Variants in KDM1B observed in about 807,000 individuals in gnomAD.
KDM1B encodes lysine-specific histone demethylase 2.
KDM1B carries 63 observed loss-of-function variants against 107.4 expected under a neutral mutation model. The observed-to-expected ratio is 0.59, with a 90% CI of 0.48 to 0.72. KDM1B has a LOEUF of 0.72. Ranked by LOEUF, KDM1B falls within the 30% of genes least tolerant of loss-of-function variation. The pLI is 0.00. For synonymous variants in KDM1B, 363 were observed against 363.9 expected (o/e 1.00, Z 0.03); for missense variants, 749 against 1,020.8 (o/e 0.73, Z 3.63).
chr6:18,165,352 G>A (rs374471466), intron 5 of KDM1B, among the ~76,000 whole-genome samples: 33 of 151,118 alleles, frequency 2.2e-4, no homozygotes, highest in East Asian at 1.8e-3. Flanking sequence ...GGATGGTCTC[G>A]ATCTCCTGAC....
chr6:18,193,771 G>T (rs1460921739), intron 10 of KDM1B, among the ~76,000 whole-genome samples: 1 of 152,020 alleles, frequency 6.6e-6, no homozygotes, highest in Non-Finnish European at 1.5e-5. Flanking sequence ...CTTGGTGCCT[G>T]TTCTTGCTTC....
intron 6 of KDM1B, among the ~76,000 whole-genome samples, chr6:18,168,973 G>A (rs1785489343): frequency 6.6e-6 from 1 of 151,980 alleles, no homozygotes; most frequent in Non-Finnish European, 1.5e-5. Flanking sequence ...CTGGGTTCAA[G>A]CCATTCTCCT....
intron 7 of KDM1B, among the ~76,000 whole-genome samples, chr6:18,184,921 A>G (rs556864121): frequency 6.6e-6 from 1 of 151,214 alleles, no homozygotes; most frequent in Admixed American, 6.6e-5. Flanking sequence ...ATTTTTGTAG[A>G]GATGGGGGGT....
chr6:18,166,116 T>C (rs2150792056), intron 5 of KDM1B, 151 bp from the exon 6 acceptor site: 1 of 571,418 alleles, frequency 1.8e-6, no homozygotes, highest in Non-Finnish European at 3.2e-6. Context: ...CAGCCTGTTT[T>C]ATGGGTGCCA....
intron 5 of KDM1B, 73 bp from the exon 6 acceptor site, chr6:18,166,194 C>A: frequency 1.4e-6 from 1 of 699,166 alleles, no homozygotes. Context: ...TAACCTGCCT[C>A]CTGTTTTGAA....
intron 3 of KDM1B, among the ~76,000 whole-genome samples, chr6:18,160,828 CTTTTT>C (rs3077192): frequency 2.4e-5 from 3 of 123,250 alleles, no homozygotes; most frequent in Non-Finnish European, 4.9e-5. Flanking sequence ...ACTCATGTCA[CTTTTT>C]TTTTTTTTTT....
Position 18,203,449 on chromosome 6 carries a change from A to ATC in KDM1B, c.1531+1795_1531+1796dup, listed in dbSNP as rs1194927506. ...CCTGTTGGTATCTTAGCTGTCTGAG[A>ATC]TCTCATCTTACCAGCACAAAGCTGG... is the stretch of plus-strand genomic sequence containing the variant. On this transcript the variant is annotated intron_variant, in intron 14 of 21. Transcript: ENST00000650836. This position sits in a 1 kb window ranked among gnomAD's most constrained non-coding sequence, Gnocchi z 5.5. 6.6e-6 allele frequency among the ~76,000 whole-genome samples: 1 copy of ATC among 152,170 alleles called. No individual in the cohort carries two copies. Among genetic ancestry groups the ATC allele is most frequent in the African/African-American group, 2.4e-5 (1 of 41,424 alleles).
chr6:18,166,409 G>A (rs45550835), intron 6 of KDM1B, 31 bp downstream of exon 6: 58,885 of 1,301,270 alleles, frequency 0.045, 1,550 homozygotes, highest in Middle Eastern at 0.07. Flanking sequence ...TGTCTGTGAA[G>A]TATTTGTGGA....
chr6:18,160,115 C>T (rs1022633323), intron 3 of KDM1B, 133 bp downstream of exon 3: 23 of 611,002 alleles, frequency 3.8e-5, no homozygotes, highest in African/African-American at 3.2e-4. Context: ...ATTCTCAGTA[C>T]GGTCATAACA....
At chr6:18,157,976 C>A (rs1784735761) in intron 2 of KDM1B, among the ~76,000 whole-genome samples, 1 of 151,840 alleles carries the variant, frequency 6.6e-6, no homozygotes, top group African/African-American at 2.4e-5. Context: ...CCACCCCCGG[C>A]TAATTTTTTT....
chr6:18,217,415 G>A (rs956564700), intron 20 of KDM1B, among the ~76,000 whole-genome samples: 14 of 137,844 alleles, frequency 1.0e-4, no homozygotes, highest in Non-Finnish European at 2.1e-4. Flanking sequence ...GTCTGGCTCT[G>A]TTGCCCAGGC....
In KDM1B at chr6:18,215,057, C is replaced by T. The variant is rs552667501; in HGVS notation, c.2160C>T (p.Ser720=). ...MSVIAGEAVA[S]VRTLDDKQVL... is the part of the protein sequence containing the mutation. Reference sequence around the variant, plus strand: ...TGATTGCCGGGGAGGCTGTCGCATCCGTGAGGACCCTGGATGACAAACAGG... The same window carrying T: ...TGATTGCCGGGGAGGCTGTCGCATCTGTGAGGACCCTGGATGACAAACAGG... Residue 720 remains serine (S), a synonymous_variant, in exon 20 of 22, where the codon TCC becomes TCT. Coordinates refer to ENST00000650836, the MANE Select transcript of KDM1B (RefSeq NM_001364614.2). 1.4e-5 allele frequency: 22 copies of T among 1,614,058 alleles called. No homozygotes were observed. The highest frequency in any genetic ancestry group is 8.8e-5 in the South Asian group (8 of 91,084).
chr6:18,166,396 CTCTG>C lies in KDM1B; in HGVS notation c.417+24_417+27del, dbSNP rs779019980. ...CCTACTGGGTAAGGAGAGTGATGCT[CTCTG>C]TCTGTGAAGTATTTGTGGAGCCAAA... On this transcript the variant is annotated intron_variant, in intron 6 of 21. Coordinates refer to ENST00000650836, the MANE Select transcript of KDM1B (RefSeq NM_001364614.2). 4.2e-6 allele frequency: 6 copies of C among 1,421,276 alleles called. No individual in the cohort carries two copies. In the Admixed American group the frequency reaches 6.7e-5, roughly 16 times the overall value. 88.0% of individuals were successfully genotyped at this position (1,421,276 alleles called of 1,614,324 possible). A position where few individuals can be genotyped will look rare whatever the true frequency, so the allele number is the denominator to read the frequency against.
chr6:18,192,137 C>T (rs1301398734), intron 10 of KDM1B, among the ~76,000 whole-genome samples: 1 of 151,974 alleles, frequency 6.6e-6, no homozygotes, highest in African/African-American at 2.4e-5. Context: ...TGGCACATGC[C>T]CATAGTCCTA....
At chr6:18,171,001 T>G (rs940815063) in intron 6 of KDM1B, among the ~76,000 whole-genome samples, 3 of 151,966 alleles carry the variant, frequency 2.0e-5, no homozygotes, top group African/African-American at 4.8e-5. Flanking sequence ...TTTGTATTTT[T>G]AGTAGAGACG....
rs1471470131 is a variant in KDM1B, at chr6:18,191,358, G to A, written c.946G>A (p.Ala316Thr). 4.5e-6 allele frequency: 7 copies of A among 1,550,842 alleles called. No homozygotes were observed. Among genetic ancestry groups the A allele is most frequent in the Non-Finnish European group, 4.4e-6 (5 of 1,147,064 alleles). The change falls in exon 10 of 22, where the codon GCA (alanine) becomes ACA (threonine). Residue 316 changes from alanine to threonine, a missense_variant. By Grantham distance (58) the Ala-to-Thr change is moderately conservative. Transcript: ENST00000650836. This position sits in a 1 kb window ranked among gnomAD's most constrained non-coding sequence, Gnocchi z 5.1. Reference protein sequence around the residue: ...MYLALRNLILALWYTNCKEAL... With the variant: ...MYLALRNLILTLWYTNCKEAL... ...CCTGGCTTTGAGAAACCTCATCCTCGCACTGTGGTATACTAACTGCAAAGT... is the reference window on the plus strand; with the variant it reads ...CCTGGCTTTGAGAAACCTCATCCTCACACTGTGGTATACTAACTGCAAAGT...
chr6:18,160,704 T>C (rs2328211), intron 3 of KDM1B, among the ~76,000 whole-genome samples: 139,984 of 151,220 alleles, frequency 0.93, 64,861 homozygotes, highest in African/African-American at 0.94. Context: ...CGCCACTGCA[T>C]TGCAGCCTGG....
chr6:18,180,626 C>T (rs1251813955), intron 7 of KDM1B, among the ~76,000 whole-genome samples: 2 of 152,126 alleles, frequency 1.3e-5, no homozygotes, highest in African/African-American at 4.8e-5. Context: ...AGTGCGGTGA[C>T]ACCATCTAGG....
At chr6:18,166,900 A>G (rs1785335334) in intron 6 of KDM1B, among the ~76,000 whole-genome samples, 1 of 151,802 alleles carries the variant, frequency 6.6e-6, no homozygotes, top group Admixed American at 6.6e-5. Flanking sequence ...AAGGCTCACC[A>G]CCAGCTGGTG....
Sources: gnomAD v4.1 joint callset for allele counts (sites outside exome capture counted in the v4.1 genomes callset) on GRCh38, gnomAD v4.1.1 for gene constraint, Gnocchi (gnomAD v3.1) non-coding constraint, MANE v1.5 for transcripts, NCBI Gene and HGNC (gene_info 2026-07-23, HGNC 2026-07-21) for gene names.